RARB: variants seen among roughly 807,000 people sequenced by gnomAD.
The protein encoded by RARB is HBV-activated protein.
In RARB, 17 loss-of-function variants were observed where a neutral mutation model predicts 51.9. That is an observed-to-expected ratio of 0.33 (90% CI 0.22 to 0.49). The LOEUF (loss-of-function observed/expected upper bound fraction) is 0.49. Ranked by LOEUF, RARB falls within the 20% of genes least tolerant of loss-of-function variation. The probability of loss-of-function intolerance (pLI) is 0.99; values close to 1 mark genes in which losing one functional copy is unlikely to be tolerated. For missense variants in RARB, 369 were observed against 550.8 expected (o/e 0.67, Z 3.30); for synonymous variants, 215 against 195.4 (o/e 1.10, Z -0.84).
intron 2 of RARB, among the ~76,000 whole-genome samples, chr3:25,497,922 TA>T (rs1435419775): frequency 6.6e-5 from 10 of 152,140 alleles, no homozygotes; most frequent in African/African-American, 2.4e-4. Context: ...GTAAGAAGCT[TA>T]TTTTTTTTCT....
At chr3:25,455,657 C>T (rs1694870994) in intron 1 of RARB, among the ~76,000 whole-genome samples, 2 of 152,288 alleles carry the variant, frequency 1.3e-5, no homozygotes, top group South Asian at 4.2e-4. Context: ...TCAGAGCAGC[C>T]CTCTCAGCAT....
At position 25,169,782 on chromosome 3, in the gene RARB, G is replaced by A. The variant is rs577450795; in HGVS notation, c.-279-4337G>A. ...GCAGAAGGATCACTTGAGTCCAGGA[G>A]TTCGAGACCAGCCCAGGCAACATAA... On this transcript the variant is annotated intron_variant, in intron 4 of 11. Coordinates refer to the RARB transcript ENST00000383772. Among the ~76,000 whole-genome samples, 8 of 152,124 alleles carry A rather than the reference G, an allele frequency of 5.3e-5. No individual in the cohort carries two copies. In the East Asian group the frequency reaches 1.6e-3, roughly 30 times the overall value.
intron 2 of RARB, among the ~76,000 whole-genome samples, chr3:25,056,624 A>G (rs1368283656): frequency 6.6e-6 from 1 of 152,094 alleles, no homozygotes; most frequent in Non-Finnish European, 1.5e-5. Context: ...ATTATAATGA[A>G]TTCTTTAGTA....
chr3:24,831,184 G>A (rs950243815), intron 1 of RARB, among the ~76,000 whole-genome samples: 17 of 152,190 alleles, frequency 1.1e-4, no homozygotes, highest in Admixed American at 6.5e-4. Flanking sequence ...AATGGCTTGT[G>A]TAACTGCTGA....
chr3:25,429,884 A>C (rs901034621), intron 1 of RARB, among the ~76,000 whole-genome samples: 1 of 152,196 alleles, frequency 6.6e-6, no homozygotes, highest in Admixed American at 6.5e-5. Context: ...TTAGTACTTT[A>C]TTTGACAATT....
At chr3:24,939,125 G>A (rs937498214) in intron 2 of RARB, among the ~76,000 whole-genome samples, 1 of 152,046 alleles carries the variant, frequency 6.6e-6, no homozygotes, top group African/African-American at 2.4e-5. Flanking sequence ...TAGGATTACA[G>A]GCGTGCACCA....
chr3:25,361,879 T>C (rs1306885342), intron 5 of RARB, among the ~76,000 whole-genome samples: 3 of 152,100 alleles, frequency 2.0e-5, no homozygotes, highest in Non-Finnish European at 4.4e-5. Flanking sequence ...GCACCAGCCA[T>C]ATGCCAGCTG....
chr3:25,404,600 T>G (rs1038924994), intron 5 of RARB, among the ~76,000 whole-genome samples: 5 of 152,144 alleles, frequency 3.3e-5, no homozygotes, highest in African/African-American at 7.2e-5. Context: ...CTCAAACATT[T>G]TTTGAGCACC....
chr3:25,537,530 C>G (rs1295882851), intron 3 of RARB, among the ~76,000 whole-genome samples: 2 of 152,182 alleles, frequency 1.3e-5, no homozygotes, highest in Non-Finnish European at 1.5e-5. Context: ...GTCACTGAGG[C>G]TCTTGTGGGG....
At chr3:25,238,741 G>A (rs1702361768) in intron 5 of RARB, among the ~76,000 whole-genome samples, 1 of 152,072 alleles carries the variant, frequency 6.6e-6, no homozygotes, top group African/African-American at 2.4e-5. Context: ...CCAGTACTTT[G>A]GGAGGCCGAG....
intron 5 of RARB, among the ~76,000 whole-genome samples, chr3:25,403,936 T>C (rs1317272669): frequency 1.3e-5 from 2 of 149,262 alleles, no homozygotes; most frequent in African/African-American, 2.5e-5. Context: ...CAGAAGCTTA[T>C]AGTTATAGGC....
chr3:25,142,071 C>CCTGTGATGCCAACACTTTGGGA (rs1409598531), intron 4 of RARB, among the ~76,000 whole-genome samples: 1 of 152,232 alleles, frequency 6.6e-6, no homozygotes, highest in Non-Finnish European at 1.5e-5. Flanking sequence ...GTGGCTCACG[C>CCTGTGATGCCAACACTTTGGGA]CTGTGATGCC....
At chr3:24,927,140 T>G (rs1695337440) in intron 2 of RARB, among the ~76,000 whole-genome samples, 1 of 152,154 alleles carries the variant, frequency 6.6e-6, no homozygotes, top group African/African-American at 2.4e-5. Context: ...CAAAACCATT[T>G]TTTCCTTATA....
chr3:25,534,943 G>A (rs1272454774), intron 3 of RARB, among the ~76,000 whole-genome samples: 2 of 152,160 alleles, frequency 1.3e-5, no homozygotes, highest in African/African-American at 4.8e-5. Flanking sequence ...ACCATATTCT[G>A]TATGCTTGCC....
At chr3:25,540,857 C>T (rs1699348305) in intron 3 of RARB, among the ~76,000 whole-genome samples, 1 of 150,748 alleles carries the variant, frequency 6.6e-6, no homozygotes, top group African/African-American at 2.5e-5. Context: ...TTGGCTAGGG[C>T]TCATTCAGGT....
chr3:25,430,953 AT>A (rs147662338), intron 1 of RARB, among the ~76,000 whole-genome samples: 8,853 of 109,870 alleles, frequency 0.081, 284 homozygotes, highest in Middle Eastern at 0.17. Flanking sequence ...TGTTCCAACG[AT>A]TTTTTTTTTT....
intron 1 of RARB, among the ~76,000 whole-genome samples, chr3:24,831,287 T>G (rs7640730): frequency 0.28 from 43,152 of 152,090 alleles, 6,595 homozygotes; most frequent in South Asian, 0.41. Context: ...TTACAAGAAC[T>G]TCAGTAATGA....
At chr3:25,080,758 T>A (rs1290399717) in intron 3 of RARB, among the ~76,000 whole-genome samples, 1 of 152,196 alleles carries the variant, frequency 6.6e-6, no homozygotes, top group Non-Finnish European at 1.5e-5. Context: ...TCAACTGAGT[T>A]GACTTTTTGC....
rs766042136 is a variant in RARB at position 25,274,720 on chromosome 3, G to A, written c.178+100145G>A. Among the ~76,000 whole-genome samples the A allele has an allele frequency of 1.1e-4, 16 of 152,138 alleles. No homozygotes were observed. In the East Asian group the frequency reaches 2.1e-3, roughly 20 times the overall value. On this transcript the variant is annotated intron_variant, in intron 5 of 11. Coordinates refer to the RARB transcript ENST00000383772. ...AATCAGCTGGACTTGACTTTCTTCCGCATGTCCCCTTATTCTGGGACCAGC... is the reference window on the plus strand; with the variant it reads ...AATCAGCTGGACTTGACTTTCTTCCACATGTCCCCTTATTCTGGGACCAGC...
Sources: allele counts gnomAD v4.1 joint callset (sites outside exome capture counted in the v4.1 genomes callset), GRCh38; gene constraint gnomAD v4.1.1; transcripts MANE v1.5; gene names NCBI Gene and HGNC (gene_info 2026-07-23, HGNC 2026-07-21).